The following OPCML variants were observed in gnomAD, a reference collection of about 807,000 sequenced individuals.
The protein encoded by OPCML is opioid-binding protein/cell adhesion molecule.
A neutral mutation model predicts 37.8 loss-of-function variants in OPCML; 13 were observed. The observed-to-expected ratio is 0.34, with a 90% confidence interval of 0.22 to 0.55. The LOEUF is 0.55. Among genes scored for constraint, OPCML ranks in the 20% least tolerant of loss-of-function variants. OPCML has a pLI of 0.91. For synonymous variants in OPCML, 176 were observed against 168.8 expected, an observed-to-expected ratio of 1.04 and a Z score of -0.33; for missense variants, 341 against 435.6, an observed-to-expected ratio of 0.78 and a Z score of 1.93.
intron 2 of OPCML, among the ~76,000 whole-genome samples, chr11:132,706,880 T>G (rs1318405839): frequency 6.6e-6 from 1 of 152,246 alleles, no homozygotes; most frequent in African/African-American, 2.4e-5. Context: ...GTTTCTGATT[T>G]ATTCCTTCTT....
chr11:133,040,353 A>G (rs1947866860), intron 1 of OPCML, among the ~76,000 whole-genome samples: 1 of 151,740 alleles, frequency 6.6e-6, no homozygotes. Flanking sequence ...TCTCCCTAAA[A>G]CTCTGCTCTC....
chr11:132,657,943 A>C (rs1941783956), intron 2 of OPCML, among the ~76,000 whole-genome samples: 1 of 152,196 alleles, frequency 6.6e-6, no homozygotes, highest in Non-Finnish European at 1.5e-5. Context: ...TTATCAGCAG[A>C]ATCCCTGTTC....
intron 1 of OPCML, among the ~76,000 whole-genome samples, chr11:133,134,097 T>C (rs1389177205): frequency 6.6e-6 from 1 of 152,148 alleles, no homozygotes; most frequent in Admixed American, 6.5e-5. Flanking sequence ...ATTGTATCAA[T>C]GCAAATCACA....
At chr11:133,394,007 A>G (rs1216627254) in intron 1 of OPCML, among the ~76,000 whole-genome samples, 1 of 152,104 alleles carries the variant, frequency 6.6e-6, no homozygotes, top group Non-Finnish European at 1.5e-5. Context: ...CCTACACTTT[A>G]GTGTGCCCTC....
chr11:132,685,208 G>A (rs1472621517), intron 2 of OPCML, among the ~76,000 whole-genome samples: 1 of 152,162 alleles, frequency 6.6e-6, no homozygotes, highest in Non-Finnish European at 1.5e-5. Flanking sequence ...ACAAGCACTG[G>A]ATTTTCCCTT....
chr11:132,548,702 A>T (rs544511577), intron 3 of OPCML, among the ~76,000 whole-genome samples: 1 of 152,242 alleles, frequency 6.6e-6, no homozygotes, highest in South Asian at 2.1e-4. Context: ...AACCAAGTGA[A>T]CTACTTGAAG....
At chr11:133,524,284 T>C (rs1948447907) in intron 1 of OPCML, among the ~76,000 whole-genome samples, 1 of 152,192 alleles carries the variant, frequency 6.6e-6, no homozygotes, top group Non-Finnish European at 1.5e-5. Flanking sequence ...CAAGAAGTGA[T>C]ACAGCACCCT....
At chr11:133,308,242 T>G (rs954299978) in intron 1 of OPCML, among the ~76,000 whole-genome samples, 1 of 152,192 alleles carries the variant, frequency 6.6e-6, no homozygotes, top group Non-Finnish European at 1.5e-5. Flanking sequence ...TAAAGAAGTC[T>G]TAGTTTATAC....
chr11:133,255,927 A>G (rs921953072), intron 1 of OPCML, among the ~76,000 whole-genome samples: 2 of 152,232 alleles, frequency 1.3e-5, no homozygotes, highest in Non-Finnish European at 2.9e-5. Context: ...AGTTTCTGGT[A>G]TAATTTGCAT....
chr11:132,496,858 G>C (rs375139219), intron 4 of OPCML, among the ~76,000 whole-genome samples: 1 of 152,150 alleles, frequency 6.6e-6, no homozygotes, highest in South Asian at 2.1e-4. Flanking sequence ...GATCAGGATA[G>C]GTTTGACGAT....
At chr11:133,396,120 A>G (rs1822351998) in intron 1 of OPCML, among the ~76,000 whole-genome samples, 1 of 151,322 alleles carries the variant, frequency 6.6e-6, no homozygotes, top group Non-Finnish European at 1.5e-5. Flanking sequence ...ATTCCTAGGT[A>G]TTTAATTTTA....
intron 3 of OPCML, among the ~76,000 whole-genome samples, chr11:132,577,905 G>A (rs1484676057): frequency 2.6e-5 from 4 of 152,020 alleles, no homozygotes; most frequent in South Asian, 2.1e-4. Flanking sequence ...ATCCTTCAGC[G>A]CATCAGCCAT....
chr11:132,628,294 G>T (rs1939869219), intron 3 of OPCML, among the ~76,000 whole-genome samples: 1 of 152,066 alleles, frequency 6.6e-6, no homozygotes, highest in Non-Finnish European at 1.5e-5. Flanking sequence ...GGATAAAGAG[G>T]TTAGAAGAAA....
At chr11:133,025,220 T>C in intron 1 of OPCML, 4 of 698,336 alleles carry the variant, frequency 5.7e-6, no homozygotes, top group Non-Finnish European at 7.0e-6. Context: ...TTCATAGAAA[T>C]GTAAATTATT....
intron 3 of OPCML, among the ~76,000 whole-genome samples, chr11:132,610,338 G>A (rs980817121): frequency 3.9e-5 from 6 of 152,152 alleles, no homozygotes; most frequent in Admixed American, 6.5e-5. Context: ...TAAATATCTG[G>A]CTGTAAATCT....
chr11:132,601,224 C>T (rs1937866963), intron 3 of OPCML, among the ~76,000 whole-genome samples: 2 of 151,986 alleles, frequency 1.3e-5, no homozygotes, highest in Non-Finnish European at 2.9e-5. Flanking sequence ...CTCAGAATGC[C>T]CTCCTCCCTG....
chr11:132,940,760 A>T (rs1945549324), intron 2 of OPCML, among the ~76,000 whole-genome samples: 1 of 152,224 alleles, frequency 6.6e-6, no homozygotes, highest in Admixed American at 6.5e-5. Context: ...GTGAAATCAA[A>T]ACCTTAAAAA....
At chr11:133,053,758 C>A (rs1565420692) in intron 1 of OPCML, among the ~76,000 whole-genome samples, 1 of 152,168 alleles carries the variant, frequency 6.6e-6, no homozygotes, top group African/African-American at 2.4e-5. Flanking sequence ...TCCCTCCCTG[C>A]CTCATCTCAC....
At chr11:133,420,170 CACAG>C (rs1210165939) in intron 1 of OPCML, 23 of 734,786 alleles carry the variant, frequency 3.1e-5, no homozygotes, top group African/African-American at 1.5e-4. Context: ...TACACACATA[CACAG>C]ACAAACACAC....
Sources: gnomAD v4.1 joint callset for allele counts (sites outside exome capture counted in the v4.1 genomes callset) on GRCh38, gnomAD v4.1.1 for gene constraint, MANE v1.5 for transcripts, NCBI Gene and HGNC (gene_info 2026-07-23, HGNC 2026-07-21) for gene names.